CDH4: variants seen among roughly 807,000 people sequenced by gnomAD.
The protein encoded by CDH4 is cadherin 4, also known as cadherin-4.
CDH4 carries 33 observed loss-of-function variants against 86.0 expected under a neutral mutation model. The observed-to-expected ratio is 0.38, with a 90% confidence interval of 0.29 to 0.51. CDH4 has a LOEUF of 0.51. CDH4 is among the 20% of genes least tolerant of loss of function. The pLI is 0.86. For missense variants in CDH4, 1,114 were observed against 1,307.4 expected (o/e 0.85, Z 2.28); for synonymous variants, 555 against 549.4 (o/e 1.01, Z -0.14).
chr20:61,279,532 G>C (rs1286208418), intron 2 of CDH4, among the ~76,000 whole-genome samples: 1 of 152,124 alleles, frequency 6.6e-6, no homozygotes, highest in East Asian at 1.9e-4. Flanking sequence ...TCACCCATGG[G>C]CGCTGGCTTC....
intron 2 of CDH4, among the ~76,000 whole-genome samples, chr20:61,691,709 A>G (rs2087657680): frequency 6.6e-6 from 1 of 152,234 alleles, no homozygotes; most frequent in African/African-American, 2.4e-5. Flanking sequence ...GGTACTGCAG[A>G]CAGCAGTAAC....
intron 2 of CDH4, among the ~76,000 whole-genome samples, chr20:61,382,784 C>G (rs2084911511): frequency 6.6e-6 from 1 of 152,058 alleles, no homozygotes; most frequent in South Asian, 2.1e-4. Context: ...GGTCACCTAT[C>G]ATCAGAAATA....
rs572242641 is a variant in CDH4, at chr20:61,883,222, G to A, written c.1050+9322G>A. Reference sequence around the variant, plus strand: ...TGCCTGGCAAACAGCCCTGCCTGCCGCCCGGTTTAATGTAGTGCACTGAGT... The same window carrying A: ...TGCCTGGCAAACAGCCCTGCCTGCCACCCGGTTTAATGTAGTGCACTGAGT... On this transcript the variant is annotated intron_variant, in intron 7 of 15. Transcript: ENST00000614565. 9.7e-4 allele frequency among the ~76,000 whole-genome samples: 147 copies of A among 151,510 alleles called. No individual in the cohort carries two copies. In the Middle Eastern group the frequency reaches 0.01, roughly 11 times the overall value.
At chr20:61,476,964 G>T (rs763831360) in intron 2 of CDH4, among the ~76,000 whole-genome samples, 1 of 152,218 alleles carries the variant, frequency 6.6e-6, no homozygotes, top group African/African-American at 2.4e-5. Flanking sequence ...GACCACAGAA[G>T]CCCCGGGAGA....
intron 4 of CDH4, among the ~76,000 whole-genome samples, chr20:61,806,530 T>C (rs1484972957): frequency 6.6e-6 from 1 of 151,616 alleles, no homozygotes; most frequent in Non-Finnish European, 1.5e-5. Flanking sequence ...GGAACACGTG[T>C]GCACACACAT....
intron 2 of CDH4, among the ~76,000 whole-genome samples, chr20:61,379,217 T>C (rs1047740386): frequency 2.1e-4 from 32 of 152,156 alleles, no homozygotes; most frequent in South Asian, 1.5e-3. Context: ...GATCTGCTCC[T>C]CGGAAGGGTC....
intron 2 of CDH4, among the ~76,000 whole-genome samples, chr20:61,318,898 C>T (rs546798615): frequency 1.3e-5 from 2 of 152,278 alleles, no homozygotes; most frequent in Non-Finnish European, 2.9e-5. Flanking sequence ...GCACAGATGC[C>T]GGTGGTAGAG....
intron 7 of CDH4, among the ~76,000 whole-genome samples, chr20:61,894,140 C>T (rs1399594504): frequency 2.0e-5 from 3 of 152,124 alleles, no homozygotes; most frequent in Admixed American, 2.0e-4. Flanking sequence ...TGCCCACAAG[C>T]CTGTCCTCAG....
intron 2 of CDH4, among the ~76,000 whole-genome samples, chr20:61,602,901 A>T (rs73914901): frequency 2.0e-3 from 306 of 152,336 alleles, no homozygotes; most frequent in African/African-American, 7.0e-3. Flanking sequence ...TGTGGTCTCC[A>T]GACCAGCGAA....
At chr20:61,839,647 G>T (rs185968455) in intron 4 of CDH4, among the ~76,000 whole-genome samples, 2 of 151,668 alleles carry the variant, frequency 1.3e-5, no homozygotes, top group Non-Finnish European at 2.9e-5. Flanking sequence ...TGTTTGTGTC[G>T]TGTACATGTT....
At chr20:61,337,511 T>C (rs2084626187) in intron 2 of CDH4, among the ~76,000 whole-genome samples, 1 of 151,862 alleles carries the variant, frequency 6.6e-6, no homozygotes, top group African/African-American at 2.4e-5. Context: ...AAACGGATGA[T>C]GATGAAAGGG....
chr20:61,309,081 A>T (rs1258084851), intron 2 of CDH4, among the ~76,000 whole-genome samples: 1 of 152,240 alleles, frequency 6.6e-6, no homozygotes, highest in African/African-American at 2.4e-5. Context: ...ACTGAATTTC[A>T]ATATGGCAAC....
At chr20:61,691,651 G>C (rs1179428886) in intron 2 of CDH4, among the ~76,000 whole-genome samples, 1 of 152,212 alleles carries the variant, frequency 6.6e-6, no homozygotes, top group Non-Finnish European at 1.5e-5. Flanking sequence ...CTTCATGGTA[G>C]AGCCTGTTGC....
intron 3 of CDH4, among the ~76,000 whole-genome samples, chr20:61,748,646 G>A (rs567125884): frequency 6.6e-6 from 1 of 152,256 alleles, no homozygotes; most frequent in South Asian, 2.1e-4. Context: ...CAGAGAACTC[G>A]AATTTACAGC....
chr20:61,502,445 C>T (rs1252731611), intron 2 of CDH4, among the ~76,000 whole-genome samples: 1 of 152,166 alleles, frequency 6.6e-6, no homozygotes. Flanking sequence ...GGTGTAGCCA[C>T]TGGTTCAAGA....
chr20:61,869,019 C>T (rs995259463), intron 6 of CDH4, among the ~76,000 whole-genome samples: 1 of 152,236 alleles, frequency 6.6e-6, no homozygotes, highest in African/African-American at 2.4e-5. Flanking sequence ...ACGTGGCAAA[C>T]GTGGCAAGTG....
intron 2 of CDH4, among the ~76,000 whole-genome samples, chr20:61,402,863 G>C (rs1304072463): frequency 6.6e-6 from 1 of 152,170 alleles, no homozygotes; most frequent in Non-Finnish European, 1.5e-5. Flanking sequence ...TTTGTCACTA[G>C]GATGGAGTTC....
At chr20:61,934,737 C>G (rs1187620167) in intron 15 of CDH4, among the ~76,000 whole-genome samples, 2 of 148,494 alleles carry the variant, frequency 1.3e-5, no homozygotes, top group African/African-American at 4.9e-5. Flanking sequence ...CCCACCCCAC[C>G]CCACACCCCA....
intron 3 of CDH4, among the ~76,000 whole-genome samples, chr20:61,766,329 C>G (rs1308269882): frequency 6.6e-6 from 1 of 152,134 alleles, no homozygotes; most frequent in Non-Finnish European, 1.5e-5. Context: ...GCCTGCCCCC[C>G]AGCCCTAGCC....
Sources: allele counts gnomAD v4.1 joint callset (sites outside exome capture counted in the v4.1 genomes callset), GRCh38; gene constraint gnomAD v4.1.1; transcripts MANE v1.5; gene names NCBI Gene and HGNC (gene_info 2026-07-23, HGNC 2026-07-21).